C9orf85: variants seen among roughly 807,000 people sequenced by gnomAD.
C9orf85 encodes chromosome 9 open reading frame 85.
Under a neutral mutation model 14.9 loss-of-function variants are expected in C9orf85, and 16 were observed. The observed-to-expected ratio is 1.08, with a 90% confidence interval of 0.73 to 1.63. The LOEUF is 1.63. Ranked by LOEUF, C9orf85 falls within the 40% of genes most tolerant of loss-of-function variation. The pLI is 0.00. For missense variants in C9orf85, 172 were observed against 186.1 expected, an observed-to-expected ratio of 0.92 and a Z score of 0.44; for synonymous variants, 45 against 56.8, an observed-to-expected ratio of 0.79 and a Z score of 0.93.
Position 71,929,334 on chromosome 9 carries a change from G to A in C9orf85, c.102+17498G>A, listed in dbSNP as rs551899714. 1.4e-4 allele frequency among the ~76,000 whole-genome samples: 21 copies of A among 152,236 alleles called. No individual in the cohort carries two copies. The South Asian group carries it at 2.5e-3, about 18-fold the overall frequency. Reference sequence around the variant, plus strand: ...TAAGATCACTAACTTGGGGCATACCGTACCGGTTGGACAAGATCTCAAATG... The same window carrying A: ...TAAGATCACTAACTTGGGGCATACCATACCGGTTGGACAAGATCTCAAATG... On this transcript the variant is annotated intron_variant, in intron 1 of 3. Transcript: ENST00000334731.
At chr9:71,957,862 G>A (rs1822419016) in intron 2 of C9orf85, among the ~76,000 whole-genome samples, 1 of 152,150 alleles carries the variant, frequency 6.6e-6, no homozygotes, top group Non-Finnish European at 1.5e-5. Context: ...GAATGGCATT[G>A]CAGAGAATAT....
chr9:71,921,922 TTTTTTTTTATTA>T (rs1187779208), intron 1 of C9orf85, among the ~76,000 whole-genome samples: 7 of 1,724 alleles, frequency 4.1e-3, no homozygotes, highest in East Asian at 0.33. Flanking sequence ...GGCTTTTTAT[TTTTTTTTTATTA>T]TTATTATTAT....
intron 2 of C9orf85, among the ~76,000 whole-genome samples, chr9:71,962,908 T>C (rs988084051): frequency 6.6e-6 from 1 of 152,018 alleles, no homozygotes; most frequent in African/African-American, 2.4e-5. Context: ...ATACAAAAAT[T>C]AGCCAGGTGT....
chr9:71,944,774 T>C (rs1189544742), intron 1 of C9orf85, among the ~76,000 whole-genome samples: 1 of 152,172 alleles, frequency 6.6e-6, no homozygotes, highest in East Asian at 1.9e-4. Flanking sequence ...AAGTGAAAAG[T>C]ACTATTCTTT....
At chr9:71,967,023 C>T (rs963000984) in intron 2 of C9orf85, among the ~76,000 whole-genome samples, 1 of 152,194 alleles carries the variant, frequency 6.6e-6, no homozygotes, top group Non-Finnish European at 1.5e-5. Context: ...AGTTTTGTGC[C>T]ACCCTCTGGC....
intron 3 of C9orf85, among the ~76,000 whole-genome samples, chr9:71,981,768 G>A (rs1823100757): frequency 6.6e-6 from 1 of 152,126 alleles, no homozygotes; most frequent in Non-Finnish European, 1.5e-5. Context: ...TGTTAAAAAG[G>A]AATTCTTGGC....
At chr9:71,978,748 T>C (rs1823048022) in intron 3 of C9orf85, among the ~76,000 whole-genome samples, 1 of 152,160 alleles carries the variant, frequency 6.6e-6, no homozygotes, top group African/African-American at 2.4e-5. Context: ...AAAATTTGTT[T>C]ATTTTGACTG....
chr9:71,950,145 A>G (rs937226445), intron 2 of C9orf85, among the ~76,000 whole-genome samples: 4 of 152,110 alleles, frequency 2.6e-5, no homozygotes, highest in Admixed American at 6.6e-5. Flanking sequence ...TCAAACTCCA[A>G]TCCAGGATTG....
chr9:71,960,633 G>C (rs532055277), intron 2 of C9orf85, among the ~76,000 whole-genome samples: 1 of 152,180 alleles, frequency 6.6e-6, no homozygotes, highest in East Asian at 1.9e-4. Flanking sequence ...AGTGCAGTGG[G>C]GCGATCTCAG....
intron 1 of C9orf85, among the ~76,000 whole-genome samples, chr9:71,920,600 C>T (rs1458074404): frequency 6.6e-6 from 1 of 152,158 alleles, no homozygotes; most frequent in African/African-American, 2.4e-5. Flanking sequence ...CAGGACTCCA[C>T]ACCTGCAAAA....
intron 2 of C9orf85, among the ~76,000 whole-genome samples, chr9:71,948,160 A>T (rs564577980): frequency 6.6e-6 from 1 of 152,130 alleles, no homozygotes; most frequent in Non-Finnish European, 1.5e-5. Context: ...TTTAGACTAT[A>T]TTTGCTCTCT....
chr9:71,978,551 C>T (rs532839268), intron 3 of C9orf85, among the ~76,000 whole-genome samples: 7 of 152,198 alleles, frequency 4.6e-5, no homozygotes, highest in African/African-American at 1.4e-4. Flanking sequence ...TTATGGGCCG[C>T]ATTATGCAAA....
At chr9:71,966,709 G>A (rs1010191713) in intron 2 of C9orf85, among the ~76,000 whole-genome samples, 2 of 152,154 alleles carry the variant, frequency 1.3e-5, no homozygotes, top group Non-Finnish European at 2.9e-5. Context: ...TTGTGGCAAA[G>A]CAGGATATTG....
chr9:71,963,277 C>G (rs1055280093), intron 2 of C9orf85, among the ~76,000 whole-genome samples: 6 of 152,096 alleles, frequency 3.9e-5, no homozygotes, highest in Non-Finnish European at 8.8e-5. Flanking sequence ...ACATTGTTAC[C>G]GGGGGATCCT....
At chr9:71,954,589 T>G (rs12345007) in intron 2 of C9orf85, among the ~76,000 whole-genome samples, 144,009 of 152,216 alleles carry the variant, frequency 0.95, 68,567 homozygotes, top group East Asian at 1. Context: ...GTAGGTTAGT[T>G]TCCTGACATT....
chr9:71,925,284 G>A (rs1401964225), intron 1 of C9orf85, among the ~76,000 whole-genome samples: 2 of 152,146 alleles, frequency 1.3e-5, no homozygotes, highest in Non-Finnish European at 2.9e-5. Context: ...ACTCTGGGAG[G>A]CCAAGGCGGG....
chr9:71,957,469 TAATAA>T (rs1383400737), intron 2 of C9orf85, among the ~76,000 whole-genome samples: 1 of 152,028 alleles, frequency 6.6e-6, no homozygotes, highest in African/African-American at 2.4e-5. Flanking sequence ...GCAAAGAACA[TAATAA>T]ATTAGGAAGG....
chr9:71,975,341 T>C (rs964892130), downstream of C9orf85, among the ~76,000 whole-genome samples: 5 of 150,482 alleles, frequency 3.3e-5, no homozygotes, highest in African/African-American at 1.2e-4. Flanking sequence ...CTCCGGAGGC[T>C]GAGGCAGGAG....
intron 1 of C9orf85, among the ~76,000 whole-genome samples, chr9:71,940,646 T>C (rs1589255763): frequency 6.6e-6 from 1 of 152,150 alleles, no homozygotes; most frequent in Non-Finnish European, 1.5e-5. Context: ...GAATGCAAAA[T>C]GGTACAGCAA....
Sources: gnomAD v4.1 joint callset for allele counts (sites outside exome capture counted in the v4.1 genomes callset) on GRCh38, gnomAD v4.1.1 for gene constraint, MANE v1.5 for transcripts, NCBI Gene and HGNC (gene_info 2026-07-23, HGNC 2026-07-21) for gene names.